IDH3A: variants seen among roughly 807,000 people sequenced by gnomAD.
IDH3A encodes isocitrate dehydrogenase (NAD(+)) 3 catalytic subunit alpha, also known as isocitrate dehydrogenase [NAD] subunit alpha, mitochondrial.
Under a neutral mutation model 43.3 loss-of-function variants are expected in IDH3A, and 23 were observed. The observed-to-expected ratio is 0.53, with a 90% confidence interval of 0.38 to 0.75. The LOEUF is 0.75. Among genes scored for constraint, IDH3A ranks in the 30% least tolerant of loss-of-function variants. IDH3A has a pLI of 0.00. For synonymous variants in IDH3A, 154 were observed against 163.5 expected (o/e 0.94, Z 0.44); for missense variants, 329 against 474.4 (o/e 0.69, Z 2.85).
At chr15:78,160,018 TTCA>T (rs1373032554) in intron 3 of IDH3A, 71 bp from the exon 4 acceptor site, 3 of 894,440 alleles carry the variant, frequency 3.4e-6, no homozygotes, top group African/African-American at 1.6e-5. Flanking sequence ...AAAAAGTTTG[TTCA>T]TCATTGCAGT....
chr15:78,166,243 C>T lies in IDH3A; in HGVS notation c.958C>T (p.Leu320Phe). ...CGTGATGATGCTGCGCCACATGGGA[C>T]TTTTTGACCATGCTGCAAGAATTGA... ...SAVMMLRHMG[L>F]FDHAARIEAA... Residue 320 changes from leucine (L) to phenylalanine (F), a missense_variant, in exon 10 of 11, where the codon CTT becomes TTT. Around this residue, in one of 3 missense-constraint regions of IDH3A, gnomAD observed 91 missense variants for 111.6 expected, o/e 0.82. Transcript: ENST00000299518. 1 of 1,614,116 alleles carries T rather than the reference C, an allele frequency of 6.2e-7. No individual in the cohort carries two copies. Among genetic ancestry groups the T allele is most frequent in the East Asian group, 2.2e-5 (1 of 44,878 alleles).
At chr15:78,157,693 G>T in intron 3 of IDH3A, 62 bp downstream of exon 3, 1 of 1,183,098 alleles carries the variant, frequency 8.5e-7, no homozygotes, top group Middle Eastern at 1.9e-4. Context: ...TAGCCAGTTG[G>T]ATTCTGTGAA....
chr15:78,156,434 G>A (rs2074623927), intron 2 of IDH3A, among the ~76,000 whole-genome samples: 1 of 152,168 alleles, frequency 6.6e-6, no homozygotes, highest in African/African-American at 2.4e-5. Context: ...GATCACACCT[G>A]TGAGTAGCCA....
In IDH3A at chr15:78,161,984, A is replaced by G. The variant is rs763377190; in HGVS notation, c.477+216A>G. 5.3e-5 allele frequency among the ~76,000 whole-genome samples: 8 copies of G among 152,002 alleles called. No individual in the cohort carries two copies. Among genetic ancestry groups the G allele is most frequent in the Non-Finnish European group, 1.2e-4 (8 of 67,994 alleles). Reference sequence around the variant, plus strand: ...CTGAATTTTGAATCCCCCACTTCACAGGTGCGCTCTTCCGCAGATGACTGT... The same window carrying G: ...CTGAATTTTGAATCCCCCACTTCACGGGTGCGCTCTTCCGCAGATGACTGT... On this transcript the variant is annotated intron_variant, in intron 5 of 10. Transcript: ENST00000299518. This position sits in a 1 kb window ranked among gnomAD's most constrained non-coding sequence, Gnocchi z 4.8.
intron 1 of IDH3A, among the ~76,000 whole-genome samples, chr15:78,150,085 GGA>G (rs1346634199): frequency 2.6e-5 from 4 of 152,336 alleles, no homozygotes; most frequent in South Asian, 2.1e-4. Context: ...CTGAACCTTC[GGA>G]GAGAGAGACC....
intron 10 of IDH3A, chr15:78,168,484 A>T (rs1385007278): frequency 6.6e-6 from 1 of 152,188 alleles, no homozygotes; most frequent in African/African-American, 2.4e-5. Context: ...GTGAGACTCC[A>T]TCTAAAAAAA....
chr15:78,166,688 G>A (rs537755272), intron 10 of IDH3A, among the ~76,000 whole-genome samples: 21 of 152,298 alleles, frequency 1.4e-4, no homozygotes, highest in African/African-American at 4.6e-4. Context: ...CTGGGGTGCA[G>A]TGTCATAATC....
intron 2 of IDH3A, chr15:78,157,206 TA>T: frequency 9.1e-7 from 1 of 1,104,176 alleles, no homozygotes; most frequent in Non-Finnish European, 1.1e-6. Context: ...GTCTTTGGTT[TA>T]AAAGATTTGA....
chr15:78,171,341 CT>C lies in IDH3A; in HGVS notation c.*2338del. 1 of 912,640 alleles carries C rather than the reference CT, an allele frequency of 1.1e-6. No individual in the cohort carries two copies. The allele number at this position is 912,640 out of a possible 1,614,324, so 56.5% of individuals were successfully genotyped here. A position where few individuals can be genotyped will look rare whatever the true frequency, so the allele number is the denominator to read the frequency against. Reference sequence around the variant, plus strand: ...TGCCCTGACCTGGAGATCTAACAGACTTGGCAGAAATGCCTGTGCCCAGACT... The same window carrying C: ...TGCCCTGACCTGGAGATCTAACAGACTGGCAGAAATGCCTGTGCCCAGACT... On this transcript the variant is annotated 3_prime_UTR_variant, in exon 11 of 11. Transcript: ENST00000299518.
In IDH3A at chr15:78,168,972, G is replaced by A; in HGVS notation, c.1068G>A (p.Glu356=). The change falls in exon 11 of 11, where the codon GAG becomes GAA. Residue 356 remains glutamate, a synonymous_variant. Coordinates refer to ENST00000299518, the MANE Select transcript of IDH3A (RefSeq NM_005530.3). The stretch of plus-strand genomic sequence containing the variant: ...ATGCAAAATGCTCAGACTTCACAGA[G>A]GAAATCTGTCGCCGAGTAAAAGATT... ...GGNAKCSDFT[E]EICRRVKDLD 1 of 1,602,014 alleles carries A rather than the reference G, an allele frequency of 6.2e-7. No homozygotes were observed. The highest frequency in any genetic ancestry group is 8.5e-7 in the Non-Finnish European group (1 of 1,170,058).
At chr15:78,165,110 T>C in intron 9 of IDH3A, 34 bp downstream of exon 9, 1 of 1,348,126 alleles carries the variant, frequency 7.4e-7, no homozygotes, top group Middle Eastern at 1.8e-4. Context: ...AGAACTCAGG[T>C]CAGAACAGCG....
At chr15:78,156,146 T>G (rs913137710) in intron 2 of IDH3A, among the ~76,000 whole-genome samples, 1 of 152,214 alleles carries the variant, frequency 6.6e-6, no homozygotes, top group Non-Finnish European at 1.5e-5. Context: ...AGGATGGGGC[T>G]TGCACTTCAA....
intron 2 of IDH3A, among the ~76,000 whole-genome samples, chr15:78,156,203 A>G (rs992193908): frequency 6.6e-6 from 1 of 152,240 alleles, no homozygotes; most frequent in Non-Finnish European, 1.5e-5. Flanking sequence ...CTGAAAGCTA[A>G]TAAGATGATC....
In IDH3A at chr15:78,160,212, A is replaced by G; in HGVS notation, c.289+6A>G. The G allele has an allele frequency of 6.6e-7, 1 of 1,507,348 alleles. No individual in the cohort carries two copies. The highest frequency in any genetic ancestry group is 9.2e-7 in the Non-Finnish European group (1 of 1,082,558). The allele number at this position is 1,507,348 out of a possible 1,614,324, so 93.4% of individuals were successfully genotyped here. A position where few individuals can be genotyped will look rare whatever the true frequency, so the allele number is the denominator to read the frequency against. On this transcript the variant is annotated splice_donor_region_variant and intron_variant, in intron 4 of 10. Coordinates refer to ENST00000299518, the MANE Select transcript of IDH3A (RefSeq NM_005530.3). Reference sequence around the variant, plus strand: ...GAACAAGATGGGCTTGAAAGGTAGCACTGAAGTAGAGACGGGGGTTTTTAC... The same window carrying G: ...GAACAAGATGGGCTTGAAAGGTAGCGCTGAAGTAGAGACGGGGGTTTTTAC...
In IDH3A at chr15:78,169,077, C is replaced by T. The variant is rs543574237; in HGVS notation, c.*72C>T. 74 of 863,236 alleles carry T rather than the reference C, an allele frequency of 8.6e-5. 1 individual carries two copies. The highest frequency in any genetic ancestry group is 3.2e-4 in the South Asian group (19 of 59,572). 53.5% of individuals were successfully genotyped at this position (863,236 alleles called of 1,614,324 possible). On this transcript the variant is annotated 3_prime_UTR_variant, in exon 11 of 11. Coordinates refer to ENST00000299518, the MANE Select transcript of IDH3A (RefSeq NM_005530.3). ...CATGAACCTCTGTTTAGAATACCTA[C>T]GTATGTATGCATTGGTTTGCTTGTT...
intron 1 of IDH3A, among the ~76,000 whole-genome samples, chr15:78,152,221 G>C (rs1336676419): frequency 2.6e-5 from 4 of 151,582 alleles, no homozygotes; most frequent in African/African-American, 9.7e-5. Context: ...ATCACACCCA[G>C]CTGATTTTTG....
chr15:78,151,783 TA>T (rs1046172365), intron 1 of IDH3A, among the ~76,000 whole-genome samples: 1 of 149,768 alleles, frequency 6.7e-6, no homozygotes, highest in Non-Finnish European at 1.5e-5. Flanking sequence ...TTTATATAAA[TA>T]AAATGATGTG....
At chr15:78,162,850 G>A (rs1052084598) in intron 6 of IDH3A, among the ~76,000 whole-genome samples, 1 of 152,136 alleles carries the variant, frequency 6.6e-6, no homozygotes, top group Non-Finnish European at 1.5e-5. Context: ...CCGGCCTGGA[G>A]TCTCCTGTTT....
At chr15:78,168,302 T>G (rs2074774893) in intron 10 of IDH3A, 1 of 151,956 alleles carries the variant, frequency 6.6e-6, no homozygotes, top group Admixed American at 6.6e-5. Flanking sequence ...TCTTTCGTAT[T>G]TGTGTCCCAG....
Sources: allele counts gnomAD v4.1 joint callset (sites outside exome capture counted in the v4.1 genomes callset), GRCh38; gene constraint gnomAD v4.1.1; regional missense constraint gnomAD v4.1.1; non-coding constraint Gnocchi (gnomAD v3.1); transcripts MANE v1.5; gene names NCBI Gene and HGNC (gene_info 2026-07-23, HGNC 2026-07-21).